Variants in KLHL15 observed in about 807,000 individuals in gnomAD.
KLHL15 encodes the protein kelch-like protein 15.
In KLHL15, 1 loss-of-function variant was observed where a neutral mutation model predicts 29.3. The observed-to-expected ratio is 0.03, with a 90% CI of 0.01 to 0.16. The LOEUF (loss-of-function observed/expected upper bound fraction) is 0.16. KLHL15 is among the 10% of genes least tolerant of loss of function. The probability of loss-of-function intolerance (pLI) is 1.00; values close to 1 mark genes in which losing one functional copy is unlikely to be tolerated. For missense variants in KLHL15, 215 were observed against 478.5 expected (o/e 0.45, Z 5.14); for synonymous variants, 212 against 184.5 (o/e 1.15, Z -1.21).
intron 3 of KLHL15, among the ~76,000 whole-genome samples, chrX:23,990,227 G>A (rs142802887): frequency 1.3e-3 from 148 of 111,726 alleles, no homozygotes; most frequent in African/African-American, 2.3e-3. Flanking sequence ...GATGTGATCC[G>A]TTTCCTTAAA....
chrX:24,007,668 T>C (rs934278356), intron 2 of KLHL15, among the ~76,000 whole-genome samples: 2 of 107,659 alleles, frequency 1.9e-5, no homozygotes, highest in Non-Finnish European at 3.8e-5. Flanking sequence ...AAATACTAAA[T>C]AATGAGAAAA....
chrX:23,997,768 A>T (rs1310707363), intron 3 of KLHL15, among the ~76,000 whole-genome samples: 2 of 85,857 alleles, frequency 2.3e-5, no homozygotes, highest in African/African-American at 7.8e-5. Flanking sequence ...TTTTTTTTTA[A>T]ATTTTAGAAA....
Position 23,987,835 on chromosome X carries a change from G to A in KLHL15, c.*86C>T. The A allele has an allele frequency of 3.4e-6, 3 of 882,869 alleles. No individual in the cohort carries two copies. Among genetic ancestry groups the A allele is most frequent in the Non-Finnish European group, 4.7e-6 (3 of 632,955 alleles). 72.8% of individuals were successfully genotyped at this position (882,869 alleles called of 1,213,427 possible). A position where few individuals can be genotyped will look rare whatever the true frequency, so the allele number is the denominator to read the frequency against. ...ACCAATGGCTTTGATAGTAAAACTGGTGAGGTTTTTCTTTATATGTTTTAA... is the reference window on the plus strand; with the variant it reads ...ACCAATGGCTTTGATAGTAAAACTGATGAGGTTTTTCTTTATATGTTTTAA... On this transcript the variant is annotated 3_prime_UTR_variant, in exon 4 of 4. Coordinates refer to ENST00000328046, the MANE Select transcript of KLHL15 (RefSeq NM_030624.3).
chrX:24,012,327 T>A (rs951052744), intron 2 of KLHL15, among the ~76,000 whole-genome samples: 8 of 111,867 alleles, frequency 7.2e-5, no homozygotes, highest in Non-Finnish European at 1.3e-4. Context: ...AGAGGTTACA[T>A]CCTAGTCCCC....
Position 23,988,906 on chromosome X carries a change from G to T in KLHL15, c.830C>A (p.Ser277Tyr). 8.3e-7 allele frequency: 1 copy of T among 1,211,859 alleles called. No individual in the cohort carries two copies. Residue 277 changes from serine (S) to tyrosine (Y), a missense_variant, in exon 4 of 4, where the codon TCT becomes TAT. Transcript: ENST00000328046. ...AAATACTGTAGTTTGCGGTTTTGCA[G>T]AACGGATGCGGCTTGACTTCATATC... ...LLDMKSSRIR[S>Y]AKPQTTVFRG... is the part of the protein sequence containing the mutation.
At chrX:23,995,053 G>A (rs1929157774) in intron 3 of KLHL15, among the ~76,000 whole-genome samples, 1 of 111,300 alleles carries the variant, frequency 9.0e-6, no homozygotes, top group South Asian at 3.7e-4. Context: ...AGCTGACAAT[G>A]AAGTATGAGA....
At chrX:24,003,655 G>A (rs1270370427) in intron 3 of KLHL15, among the ~76,000 whole-genome samples, 4 of 103,853 alleles carry the variant, frequency 3.9e-5, no homozygotes, top group African/African-American at 1.6e-4. Context: ...ATATGTGTGT[G>A]TGTGTGTGTG....
At chrX:23,996,255 G>C (rs935271272) in intron 3 of KLHL15, among the ~76,000 whole-genome samples, 5 of 111,565 alleles carry the variant, frequency 4.5e-5, no homozygotes, top group African/African-American at 1.6e-4. Context: ...CTAATCGCTC[G>C]AATGACAAGT....
chrX:23,994,869 G>A (rs1399349196), intron 3 of KLHL15, among the ~76,000 whole-genome samples: 1 of 110,681 alleles, frequency 9.0e-6, no homozygotes, highest in Non-Finnish European at 1.9e-5. Flanking sequence ...TAGAGATTGG[G>A]TCTCACTATA....
At chrX:24,015,082 A>G (rs1460690846) in intron 2 of KLHL15, among the ~76,000 whole-genome samples, 1 of 112,104 alleles carries the variant, frequency 8.9e-6, no homozygotes, top group Non-Finnish European at 1.9e-5. Flanking sequence ...AGAGAACCTT[A>G]CATTCTTAGA....
At chrX:24,021,795 AC>A (rs1441763522) in intron 2 of KLHL15, among the ~76,000 whole-genome samples, 1 of 109,098 alleles carries the variant, frequency 9.2e-6, no homozygotes, top group Non-Finnish European at 1.9e-5. Flanking sequence ...ACAATGCCTC[AC>A]CCATGGCTCC....
intron 2 of KLHL15, among the ~76,000 whole-genome samples, chrX:24,021,731 T>C (rs1415644293): frequency 1.8e-5 from 2 of 111,209 alleles, no homozygotes; most frequent in African/African-American, 6.5e-5. Context: ...TATTAGTAAG[T>C]TGTGAAGTTG....
intron 3 of KLHL15, among the ~76,000 whole-genome samples, chrX:23,991,790 G>A (rs1184539741): frequency 1.8e-5 from 2 of 111,940 alleles, no homozygotes; most frequent in African/African-American, 6.5e-5. Flanking sequence ...AGTGAACTGA[G>A]ATCATGCCAC....
intron 2 of KLHL15, among the ~76,000 whole-genome samples, chrX:24,023,569 C>A (rs1383598835): frequency 8.9e-6 from 1 of 112,199 alleles, no homozygotes; most frequent in East Asian, 2.8e-4. Flanking sequence ...CCAAACCATA[C>A]TATATTTTTG....
chrX:23,995,270 G>A (rs987712147), intron 3 of KLHL15, among the ~76,000 whole-genome samples: 8 of 110,302 alleles, frequency 7.3e-5, no homozygotes, highest in Non-Finnish European at 1.5e-4. Context: ...ATCCGGGCAT[G>A]TTGGTGTGCG....
intron 3 of KLHL15, among the ~76,000 whole-genome samples, chrX:23,997,030 C>T (rs998725125): frequency 8.9e-6 from 1 of 111,800 alleles, no homozygotes; most frequent in African/African-American, 3.2e-5. Flanking sequence ...AGAATTTACT[C>T]ACCCTCTTCT....
rs1929451197 is a variant in KLHL15, at chrX:24,006,717, GAC to G, written c.-7-19_-7-18del. On this transcript the variant is annotated intron_variant, in intron 2 of 3. Transcript: ENST00000328046. ...ATGAATCACCTGGAAAAAAATCAAAGACAACAATGTTAAACACTTCCATGCAT... is the reference window on the plus strand; with the variant it reads ...ATGAATCACCTGGAAAAAAATCAAAGAACAATGTTAAACACTTCCATGCAT... 6 of 1,102,568 alleles carry G rather than the reference GAC, an allele frequency of 5.4e-6. No individual in the cohort carries two copies. Among genetic ancestry groups the G allele is most frequent in the Non-Finnish European group, 7.3e-6 (6 of 816,985 alleles). The allele number at this position is 1,102,568 out of a possible 1,213,427, so 90.9% of individuals were successfully genotyped here.
In KLHL15 at chrX:24,008,599, C is replaced by T. The variant is rs141945293; in HGVS notation, c.-7-1899G>A. ...TTAATTTTCTCCTTTTCACATACCC[C>T]CACCCCAGACCATCTATCTTCTTAA... is the stretch of plus-strand genomic sequence containing the variant. On this transcript the variant is annotated intron_variant, in intron 2 of 3. Coordinates refer to ENST00000328046, the MANE Select transcript of KLHL15 (RefSeq NM_030624.3). 2.2e-3 allele frequency among the ~76,000 whole-genome samples: 240 copies of T among 110,573 alleles called. 1 individual carries two copies. Among genetic ancestry groups the T allele is most frequent in the African/African-American group, 6.6e-3 (200 of 30,408 alleles).
intron 3 of KLHL15, among the ~76,000 whole-genome samples, chrX:23,997,723 T>A (rs1422844044): frequency 1.2e-4 from 8 of 67,075 alleles, no homozygotes; most frequent in Non-Finnish European, 2.1e-4. Context: ...AGAGTGAGAC[T>A]CTGTCTCAAA....
Sources: allele counts gnomAD v4.1 joint callset (sites outside exome capture counted in the v4.1 genomes callset), GRCh38; gene constraint gnomAD v4.1.1; transcripts MANE v1.5; gene names NCBI Gene and HGNC (gene_info 2026-07-23, HGNC 2026-07-21).